PCDH15: variants seen among roughly 807,000 people sequenced by gnomAD.
The protein encoded by PCDH15 is protocadherin related 15.
A neutral mutation model predicts 178.5 loss-of-function variants in PCDH15; 129 were observed. That is an observed-to-expected ratio of 0.72 (90% CI 0.63 to 0.84). The LOEUF (loss-of-function observed/expected upper bound fraction) is 0.84, where lower values mean the gene tolerates loss of function less well. Among genes scored for constraint, PCDH15 ranks in the 40% least tolerant of loss-of-function variants. The pLI is 0.00. For synonymous variants in PCDH15, 800 were observed against 732.0 expected, an observed-to-expected ratio of 1.09 and a Z score of -1.50; for missense variants, 2,230 against 2,099.9, an observed-to-expected ratio of 1.06 and a Z score of -1.21.
At position 54,854,126 on chromosome 10, in the gene PCDH15, G is replaced by T. The variant is rs1953692696; in HGVS notation, c.-29+43324C>A. Among the ~76,000 whole-genome samples the T allele has an allele frequency of 3.3e-5, 5 of 152,146 alleles. No homozygotes were observed. The South Asian group carries it at 1.0e-3, about 32-fold the overall frequency. On this transcript the variant is annotated intron_variant, in intron 3 of 5. Transcript: ENST00000458638. ...TGCTGCAGCGGGACGGGCAGCTCCTGATGCTAACATAGGCACTGACTCTCT... is the reference window on the plus strand; with the variant it reads ...TGCTGCAGCGGGACGGGCAGCTCCTTATGCTAACATAGGCACTGACTCTCT...
At chr10:54,781,452 C>T (rs560757671) in intron 1 of PCDH15, among the ~76,000 whole-genome samples, 2 of 152,116 alleles carry the variant, frequency 1.3e-5, no homozygotes, top group Non-Finnish European at 2.9e-5. Context: ...TATACTGACC[C>T]TTTTTATATA....
chr10:54,564,878 A>G (rs2133434193), intron 2 of PCDH15, among the ~76,000 whole-genome samples: 2 of 152,316 alleles, frequency 1.3e-5, no homozygotes, highest in East Asian at 3.9e-4. Flanking sequence ...TTATTTTATC[A>G]TGTATCAATA....
At chr10:54,292,132 C>T (rs535136025) in intron 8 of PCDH15, among the ~76,000 whole-genome samples, 42 of 152,264 alleles carry the variant, frequency 2.8e-4, no homozygotes, top group African/African-American at 9.9e-4. Context: ...CACAATCAAG[C>T]TGGCTTCATT....
Position 54,581,801 on chromosome 10 carries a change from T to C in PCDH15, c.92-53924A>G, listed in dbSNP as rs76154575. The stretch of plus-strand genomic sequence containing the variant: ...TATAATCATACGATCTGTGACAAAG[T>C]TGACAAAAGTGAACGCTGGGTAATG... On this transcript the variant is annotated intron_variant, in intron 2 of 37. Coordinates refer to ENST00000644397, the MANE Select transcript of PCDH15 (RefSeq NM_001384140.1). Among the ~76,000 whole-genome samples, 159 of 152,010 alleles carry C rather than the reference T, an allele frequency of 1.0e-3. 3 individuals carry two copies. The East Asian group carries it at 0.028, about 27-fold the overall frequency.
At chr10:53,808,656 T>C (rs1176164927) in intron 37 of PCDH15, 2 of 1,595,148 alleles carry the variant, frequency 1.3e-6, no homozygotes, top group Admixed American at 3.4e-5. Context: ...ACGAGAGCAC[T>C]CATCACAGCA....
At chr10:53,900,146 A>T (rs2082229816) in intron 26 of PCDH15, among the ~76,000 whole-genome samples, 1 of 151,830 alleles carries the variant, frequency 6.6e-6, no homozygotes, top group East Asian at 1.9e-4. Context: ...GCGCTCTGCT[A>T]CTTGACTTTA....
At chr10:53,934,396 T>A (rs553443818) in intron 25 of PCDH15, among the ~76,000 whole-genome samples, 1 of 152,144 alleles carries the variant, frequency 6.6e-6, no homozygotes, top group South Asian at 2.1e-4. Flanking sequence ...CATTCTACCA[T>A]ACATCTTACT....
intron 2 of PCDH15, among the ~76,000 whole-genome samples, chr10:55,032,269 G>C: frequency 6.6e-6 from 1 of 152,168 alleles, no homozygotes; most frequent in Admixed American, 6.5e-5. Flanking sequence ...CAAAGGCTAG[G>C]CTGTCTGTGT....
chr10:54,196,577 TA>T (rs2049688911), intron 10 of PCDH15, among the ~76,000 whole-genome samples: 1 of 152,162 alleles, frequency 6.6e-6, no homozygotes, highest in Non-Finnish European at 1.5e-5. Context: ...GTAACACAAA[TA>T]AAGAACTATC....
At chr10:55,253,358 A>G (rs961774309) in intron 1 of PCDH15, among the ~76,000 whole-genome samples, 2 of 151,920 alleles carry the variant, frequency 1.3e-5, no homozygotes, top group African/African-American at 4.8e-5. Flanking sequence ...GAGCTGGACA[A>G]CTCCTAAACC....
intron 21 of PCDH15, among the ~76,000 whole-genome samples, chr10:53,979,704 C>T (rs10763039): frequency 0.24 from 36,067 of 152,002 alleles, 4,635 homozygotes; most frequent in East Asian, 0.51. Context: ...CAATTATTTC[C>T]CAACATTTCT....
At chr10:53,883,555 T>C (rs2080885537) in intron 26 of PCDH15, among the ~76,000 whole-genome samples, 1 of 152,232 alleles carries the variant, frequency 6.6e-6, no homozygotes, top group South Asian at 2.1e-4. Flanking sequence ...GCAGGTCATC[T>C]ACACTAGTTC....
chr10:54,220,265 T>C (rs2052628898), intron 9 of PCDH15, among the ~76,000 whole-genome samples: 1 of 152,204 alleles, frequency 6.6e-6, no homozygotes, highest in Non-Finnish European at 1.5e-5. Context: ...TTGTAAATGA[T>C]CTATCTCATC....
chr10:54,870,679 C>T (rs1030948988), intron 3 of PCDH15, among the ~76,000 whole-genome samples: 2 of 151,458 alleles, frequency 1.3e-5, no homozygotes, highest in African/African-American at 2.4e-5. Context: ...CCAGCTACTC[C>T]GGAGGCTGAG....
intron 2 of PCDH15, among the ~76,000 whole-genome samples, chr10:55,442,476 A>G (rs1426841226): frequency 1.2e-5 from 1 of 84,172 alleles, no homozygotes; most frequent in African/African-American, 6.0e-5. Context: ...TATATTATAT[A>G]TATATTATAT....
At chr10:54,541,486 A>G (rs1450765418) in intron 2 of PCDH15, among the ~76,000 whole-genome samples, 1 of 152,158 alleles carries the variant, frequency 6.6e-6, no homozygotes, top group Non-Finnish European at 1.5e-5. Flanking sequence ...CTAAAAATAA[A>G]CAACTCTTTT....
chr10:54,204,658 T>C (rs4082041), intron 10 of PCDH15, among the ~76,000 whole-genome samples: 137,731 of 152,108 alleles, frequency 0.91, 62,563 homozygotes, highest in East Asian at 0.98. Flanking sequence ...GACTATCCCT[T>C]CCTCTCCTAT....
intron 20 of PCDH15, among the ~76,000 whole-genome samples, chr10:54,018,139 A>C (rs74743696): frequency 0.01 from 1,571 of 152,232 alleles, 19 homozygotes; most frequent in African/African-American, 0.035. Flanking sequence ...GAATTGTAGA[A>C]AAGTTGCCTA....
At chr10:54,233,188 A>C (rs7076540) in intron 9 of PCDH15, among the ~76,000 whole-genome samples, 8,300 of 151,538 alleles carry the variant, frequency 0.055, 562 homozygotes, top group African/African-American at 0.17. Flanking sequence ...AAGCAATCCA[A>C]CTGTCTCGGC....
Sources: allele counts gnomAD v4.1 joint callset (sites outside exome capture counted in the v4.1 genomes callset), GRCh38; gene constraint gnomAD v4.1.1; transcripts MANE v1.5; gene names NCBI Gene and HGNC (gene_info 2026-07-23, HGNC 2026-07-21).